BBS9: variants seen among roughly 807,000 people sequenced by gnomAD.
BBS9 encodes the protein protein PTHB1.
A neutral mutation model predicts 117.7 loss-of-function variants in BBS9; 89 were observed. That is an observed-to-expected ratio of 0.76 (90% CI 0.64 to 0.90). The LOEUF (loss-of-function observed/expected upper bound fraction) is 0.90, where lower values mean the gene tolerates loss of function less well. Ranked by LOEUF, BBS9 falls within the 40% of genes least tolerant of loss-of-function variation. The probability of loss-of-function intolerance (pLI) is 0.00; values close to 1 mark genes in which losing one functional copy is unlikely to be tolerated. For synonymous variants in BBS9, 379 were observed against 370.9 expected (o/e 1.02, Z -0.25); for missense variants, 982 against 1,042.2 (o/e 0.94, Z 0.80).
chr7:33,376,864 C>T (rs966693431), intron 17 of BBS9, among the ~76,000 whole-genome samples: 5 of 151,952 alleles, frequency 3.3e-5, no homozygotes, highest in African/African-American at 7.3e-5. Flanking sequence ...AGTGTCTGTT[C>T]GTATCCTTTG....
At chr7:33,610,912 T>C (rs975925797), downstream of BBS9, among the ~76,000 whole-genome samples, 2 of 152,120 alleles carry the variant, frequency 1.3e-5, no homozygotes, top group Admixed American at 6.6e-5. Context: ...TGTTTCACCT[T>C]ATACATTCAG....
At chr7:33,174,318 A>G (rs1488794909) in intron 4 of BBS9, among the ~76,000 whole-genome samples, 1 of 152,208 alleles carries the variant, frequency 6.6e-6, no homozygotes, top group Non-Finnish European at 1.5e-5. Flanking sequence ...TAGAACCTCT[A>G]CTTTGGATCC....
At chr7:33,151,690 C>T (rs968945971) in intron 2 of BBS9, among the ~76,000 whole-genome samples, 13 of 151,838 alleles carry the variant, frequency 8.6e-5, no homozygotes, top group African/African-American at 1.5e-4. Context: ...GCTGGGATTA[C>T]GGGCATGCGC....
intron 9 of BBS9, among the ~76,000 whole-genome samples, chr7:33,311,719 A>T (rs1265412318): frequency 6.6e-6 from 1 of 152,122 alleles, no homozygotes; most frequent in Non-Finnish European, 1.5e-5. Context: ...TGGGAGGTTG[A>T]GACAGGATAA....
chr7:33,566,314 T>C (rs1022598393), intron 21 of BBS9, among the ~76,000 whole-genome samples: 1 of 151,942 alleles, frequency 6.6e-6, no homozygotes, highest in Non-Finnish European at 1.5e-5. Flanking sequence ...GTAATATATA[T>C]ATATATATTC....
In BBS9 at chr7:33,388,062, G is replaced by A. The variant is rs200654248; in HGVS notation, c.2033G>A (p.Arg678His). The A allele has an allele frequency of 2.4e-5, 38 of 1,614,086 alleles. No homozygotes were observed. The highest frequency in any genetic ancestry group is 1.6e-4 in the East Asian group (7 of 44,874). ...ERAVQFRAIQ[R>H]RLLARFKDKT... ...GCTGTACAATTTCGGGCCATTCAAC[G>A]CCGGCTACTAGCAAGATTCAAAGAT... is the stretch of plus-strand genomic sequence containing the variant. The change falls in exon 19 of 23, where the codon CGC becomes CAC. Residue 678 changes from arginine to histidine, a missense_variant. Coordinates refer to ENST00000242067, the MANE Select transcript of BBS9 (RefSeq NM_198428.3).
At chr7:33,444,544 A>G (rs768472858) in intron 19 of BBS9, among the ~76,000 whole-genome samples, 2 of 152,240 alleles carry the variant, frequency 1.3e-5, no homozygotes, top group Non-Finnish European at 2.9e-5. Flanking sequence ...ACTAGTCATT[A>G]TAGAAAGCTG....
chr7:33,392,489 C>G (rs980926193), intron 19 of BBS9, among the ~76,000 whole-genome samples: 1 of 152,142 alleles, frequency 6.6e-6, no homozygotes, highest in African/African-American at 2.4e-5. Context: ...TCCCAATGCA[C>G]AAGCACTTTT....
At chr7:33,588,471 G>A (rs903000450) in intron 21 of BBS9, among the ~76,000 whole-genome samples, 1 of 152,106 alleles carries the variant, frequency 6.6e-6, no homozygotes, top group African/African-American at 2.4e-5. Flanking sequence ...AATATCGTGT[G>A]CCTGTTGTGT....
At chr7:33,472,332 G>A (rs1419907) in intron 19 of BBS9, among the ~76,000 whole-genome samples, 118,453 of 152,218 alleles carry the variant, frequency 0.78, 46,919 homozygotes, top group African/African-American at 0.93. Flanking sequence ...GATTTTATTT[G>A]TTTTTTGATA....
chr7:33,132,363 C>G (rs528100406), intron 1 of BBS9, among the ~76,000 whole-genome samples: 1 of 152,202 alleles, frequency 6.6e-6, no homozygotes, highest in South Asian at 2.1e-4. Context: ...TTATGAATAT[C>G]AAAATAGAAT....
At chr7:33,172,606 A>G (rs1237747959) in intron 4 of BBS9, among the ~76,000 whole-genome samples, 4 of 152,204 alleles carry the variant, frequency 2.6e-5, no homozygotes, top group Non-Finnish European at 5.9e-5. Flanking sequence ...CACATAACAC[A>G]CATGGACATG....
chr7:33,545,439 G>A (rs903282175), intron 21 of BBS9, among the ~76,000 whole-genome samples: 6 of 152,120 alleles, frequency 3.9e-5, no homozygotes, highest in African/African-American at 1.4e-4. Flanking sequence ...TCAGCTTTAA[G>A]TAAAGTCGGA....
chr7:33,229,530 C>T (rs1275050799), intron 5 of BBS9, among the ~76,000 whole-genome samples: 1 of 152,032 alleles, frequency 6.6e-6, no homozygotes, highest in Non-Finnish European at 1.5e-5. Flanking sequence ...TGCATAATAT[C>T]CTCCATGTTG....
At chr7:33,322,125 G>C (rs539938920) in intron 9 of BBS9, among the ~76,000 whole-genome samples, 1 of 151,962 alleles carries the variant, frequency 6.6e-6, no homozygotes, top group African/African-American at 2.4e-5. Context: ...TGCTTTACTA[G>C]TATTTTGTTG....
intron 21 of BBS9, among the ~76,000 whole-genome samples, chr7:33,566,250 A>G (rs1856916027): frequency 6.6e-6 from 1 of 151,724 alleles, no homozygotes; most frequent in Non-Finnish European, 1.5e-5. Flanking sequence ...ACAAGAATTA[A>G]TGCTTTTTTA....
intron 21 of BBS9, among the ~76,000 whole-genome samples, chr7:33,536,148 C>T (rs1198413129): frequency 3.3e-5 from 5 of 152,182 alleles, no homozygotes; most frequent in East Asian, 1.9e-4. Context: ...CAGTCCAGGG[C>T]GGGCCATCAG....
chr7:33,421,726 T>C (rs1202669600), intron 19 of BBS9, among the ~76,000 whole-genome samples: 1 of 152,172 alleles, frequency 6.6e-6, no homozygotes, highest in African/African-American at 2.4e-5. Context: ...CTATGTGCAC[T>C]CCTGCTCCCC....
chr7:33,276,080 A>G (rs184958468), intron 9 of BBS9, among the ~76,000 whole-genome samples: 90 of 152,322 alleles, frequency 5.9e-4, no homozygotes, highest in Non-Finnish European at 1.5e-4. Flanking sequence ...ATAAATTCTA[A>G]TTGTTGAACT....
Sources: gnomAD v4.1 joint callset for allele counts (sites outside exome capture counted in the v4.1 genomes callset) on GRCh38, gnomAD v4.1.1 for gene constraint, MANE v1.5 for transcripts, NCBI Gene and HGNC (gene_info 2026-07-23, HGNC 2026-07-21) for gene names.